MAPK13: variants seen among roughly 807,000 people sequenced by gnomAD.
The protein encoded by MAPK13 is MAP kinase 13.
In MAPK13, 39 loss-of-function variants were observed where a neutral mutation model predicts 53.5. The ratio of observed to expected loss-of-function variants is 0.73; its 90% confidence interval spans 0.56 to 0.95. The LOEUF is 0.95. Among genes scored for constraint, MAPK13 ranks in the 40% least tolerant of loss-of-function variants. The pLI, the probability that MAPK13 is intolerant of heterozygous loss-of-function variation, is 0.00. For synonymous variants in MAPK13, 179 were observed against 190.9 expected (o/e 0.94, Z 0.51); for missense variants, 460 against 471.8 (o/e 0.98, Z 0.23).
In MAPK13 at chr6:36,141,671, CA is replaced by C; in HGVS notation, c.*2305del. ...TGGGTGACAGAGTGAGACTCCATCT[CA>C]AAAAAACAAAAAAAACAAATACCCT... On this transcript the variant is annotated 3_prime_UTR_variant, in exon 12 of 12. Transcript: ENST00000211287. 1 of 152,076 alleles carries C rather than the reference CA, an allele frequency of 6.6e-6. No homozygotes were observed. The highest frequency in any genetic ancestry group is 1.5e-5 in the Non-Finnish European group (1 of 68,334). The allele number at this position is 152,076 out of a possible 1,614,324, so 9.4% of individuals were successfully genotyped here. A position where few individuals can be genotyped will look rare whatever the true frequency, so the allele number is the denominator to read the frequency against.
rs1319749038 is a variant in MAPK13 at position 36,138,995 on chromosome 6, G to A, written c.958G>A (p.Ala320Thr). 6.2e-7 allele frequency: 1 copy of A among 1,613,702 alleles called. No individual in the cohort carries two copies. Among genetic ancestry groups the A allele is most frequent in the South Asian group, 1.1e-5 (1 of 91,038 alleles). The change falls in exon 11 of 12, where the codon GCC becomes ACC. Residue 320 changes from alanine to threonine, a missense_variant. Ala to Thr is a moderately conservative substitution (Grantham distance 58). Transcript: ENST00000211287. ...CCGGGACCCTGAGGAAGAGACGGAGGCCCAGCAGCCGTTTGATGATTCCTT... is the reference window on the plus strand; with the variant it reads ...CCGGGACCCTGAGGAAGAGACGGAGACCCAGCAGCCGTTTGATGATTCCTT... ...PFRDPEEETE[A>T]QQPFDDSLEH...
At chr6:36,136,141 G>A in intron 5 of MAPK13, 93 bp downstream of exon 5, 1 of 1,488,498 alleles carries the variant, frequency 6.7e-7, no homozygotes, top group Non-Finnish European at 9.4e-7. Context: ...AAGTTGGAGG[G>A]AGGGGACACT....
chr6:36,139,302 T>C lies in MAPK13; in HGVS notation c.1027T>C (p.Tyr343His), dbSNP rs147268021. ...LTVDEWKQHI[Y>H]KEIVNFSPIA... ...CATGCTGCCTTTCTCAGAGCACATC[T>C]ACAAGGAGATTGTGAACTTCAGCCC... Residue 343 changes from tyrosine (Y) to histidine (H), a missense_variant, in exon 12 of 12, where the codon TAC (tyrosine) becomes CAC (histidine). By Grantham distance (83) the Tyr-to-His change is moderately conservative (BLOSUM62 2). Coordinates refer to ENST00000211287, the MANE Select transcript of MAPK13 (RefSeq NM_002754.5). 5.0e-6 allele frequency: 8 copies of C among 1,613,962 alleles called. No homozygotes were observed. The African/African-American group carries it at 9.3e-5, about 19-fold the overall frequency.
chr6:36,136,643 C>A lies in MAPK13; in HGVS notation c.496-13C>A. 1 of 1,612,908 alleles carries A rather than the reference C, an allele frequency of 6.2e-7. No individual in the cohort carries two copies. The highest frequency in any genetic ancestry group is 8.5e-7 in the Non-Finnish European group (1 of 1,179,344). On this transcript the variant is annotated splice_polypyrimidine_tract_variant and intron_variant, in intron 6 of 11. Transcript: ENST00000211287. Reference sequence around the variant, plus strand: ...TCAGCAAGTTCCTTTTCTATTTATCCCCTGTGCCATAGATTCTGGATTTTG... The same window carrying A: ...TCAGCAAGTTCCTTTTCTATTTATCACCTGTGCCATAGATTCTGGATTTTG...
Position 36,144,162 on chromosome 6 carries a change from C to T in MAPK13, c.*4789C>T, listed in dbSNP as rs1156742127. 6.6e-6 allele frequency: 1 copy of T among 152,066 alleles called. No individual in the cohort carries two copies. The highest frequency in any genetic ancestry group is 2.4e-5 in the African/African-American group (1 of 41,374). 9.4% of individuals were successfully genotyped at this position (152,066 alleles called of 1,614,324 possible). Reference sequence around the variant, plus strand: ...GGACTATAGGCATGCACCACCATGCCTGGCTAATTTCAGAATAATATTTTC... The same window carrying T: ...GGACTATAGGCATGCACCACCATGCTTGGCTAATTTCAGAATAATATTTTC... On this transcript the variant is annotated 3_prime_UTR_variant, in exon 12 of 12. Transcript: ENST00000211287.
intron 8 of MAPK13, among the ~76,000 whole-genome samples, chr6:36,137,286 C>T (rs1439916006): frequency 2.6e-5 from 4 of 152,060 alleles, no homozygotes; most frequent in South Asian, 2.1e-4. Context: ...GAGGCTGAGG[C>T]GGGCAGATCA....
chr6:36,136,728 GC>G lies in MAPK13; in HGVS notation c.573del (p.Glu192ArgfsTer2). 1 of 1,614,066 alleles carries G rather than the reference GC, an allele frequency of 6.2e-7. No individual in the cohort carries two copies. The highest frequency in any genetic ancestry group is 8.5e-7 in the Non-Finnish European group (1 of 1,179,968). On this transcript the variant is annotated frameshift_variant, in exon 7 of 12. Transcript: ENST00000211287. LOFTEE classifies it high-confidence loss of function. The part of the protein sequence containing the change: ...TGYVVTRWYR[A>X]PEVILSWMHY... ...CTACGTGGTGACCCGCTGGTACCGA[GC>G]CCCCGAGGTGATCCTCAGCTGGATG...
At position 36,142,097 on chromosome 6, in the gene MAPK13, C is replaced by G. The variant is rs1766542928; in HGVS notation, c.*2724C>G. The G allele has an allele frequency of 6.6e-6, 1 of 152,324 alleles. No homozygotes were observed. Among genetic ancestry groups the G allele is most frequent in the Admixed American group, 6.5e-5 (1 of 15,282 alleles). The allele number at this position is 152,324 out of a possible 1,614,324, so 9.4% of individuals were successfully genotyped here. A position where few individuals can be genotyped will look rare whatever the true frequency, so the allele number is the denominator to read the frequency against. ...TGTGTTCTCTCTAATCTCATCAGCT[C>G]CCACTGCCTCCCCTAGCTAGTCCTT... On this transcript the variant is annotated 3_prime_UTR_variant, in exon 12 of 12. Transcript: ENST00000211287. This position sits in a 1 kb window ranked among gnomAD's most constrained non-coding sequence, Gnocchi z 4.4.
At chr6:36,137,093 G>C in intron 8 of MAPK13, 143 bp downstream of exon 8, 1 of 722,878 alleles carries the variant, frequency 1.4e-6, no homozygotes, top group South Asian at 1.8e-5. Context: ...GATAAGGCTG[G>C]ACGCAGTGGT....
intron 3 of MAPK13, among the ~76,000 whole-genome samples, chr6:36,133,138 G>A (rs1177241614): frequency 2.6e-5 from 4 of 152,242 alleles, no homozygotes; most frequent in African/African-American, 9.6e-5. Context: ...GCTGCAAAAT[G>A]TATAGCTTTG....
chr6:36,133,301 T>C (rs1464998399), intron 3 of MAPK13, among the ~76,000 whole-genome samples: 11 of 152,218 alleles, frequency 7.2e-5, no homozygotes, highest in Middle Eastern at 3.4e-3. Flanking sequence ...GGAGGTGATA[T>C]GTTCAGATGG....
intron 3 of MAPK13, among the ~76,000 whole-genome samples, chr6:36,134,071 A>G (rs970409139): frequency 1.3e-5 from 2 of 152,172 alleles, no homozygotes; most frequent in African/African-American, 4.8e-5. Context: ...CGCCCTTTCT[A>G]GAAGTTTGGT....
Position 36,143,931 on chromosome 6 carries a change from T to TCAA in MAPK13, c.*4561_*4563dup, listed in dbSNP as rs1429380821. 1 of 152,194 alleles carries TCAA rather than the reference T, an allele frequency of 6.6e-6. No homozygotes were observed. The highest frequency in any genetic ancestry group is 1.5e-5 in the Non-Finnish European group (1 of 68,028). The allele number at this position is 152,194 out of a possible 1,614,324, so 9.4% of individuals were successfully genotyped here. A position where few individuals can be genotyped will look rare whatever the true frequency, so the allele number is the denominator to read the frequency against. The stretch of plus-strand genomic sequence containing the variant: ...ACTCTGGGCGGGTGGCATGTGAGTG[T>TCAA]CAACAGGGCCCCTCTCAGTCAGGGG... On this transcript the variant is annotated 3_prime_UTR_variant, in exon 12 of 12. Coordinates refer to ENST00000211287, the MANE Select transcript of MAPK13 (RefSeq NM_002754.5).
In MAPK13 at chr6:36,138,798, C is replaced by G; in HGVS notation, c.841+18C>G. On this transcript the variant is annotated intron_variant, in intron 10 of 11. Coordinates refer to ENST00000211287, the MANE Select transcript of MAPK13 (RefSeq NM_002754.5). ...CCCCCAGGGTGAGTCTCAGAGCCCGCTCCCCAGGGGCCTCTCAGCGTATCC... is the reference window on the plus strand; with the variant it reads ...CCCCCAGGGTGAGTCTCAGAGCCCGGTCCCCAGGGGCCTCTCAGCGTATCC... 2 of 1,614,082 alleles carry G rather than the reference C, an allele frequency of 1.2e-6. No individual in the cohort carries two copies. Among genetic ancestry groups the G allele is most frequent in the South Asian group, 1.1e-5 (1 of 91,078 alleles).
chr6:36,139,157 C>G, intron 11 of MAPK13, 102 bp downstream of exon 11: 1 of 1,400,502 alleles, frequency 7.1e-7, no homozygotes, highest in Non-Finnish European at 9.8e-7. Flanking sequence ...CCTGCCACCT[C>G]CTTCTTGGTG....
In MAPK13 at chr6:36,131,482, G is replaced by C. The variant is rs922452534; in HGVS notation, c.249+82G>C. The C allele has an allele frequency of 7.6e-5, 106 of 1,387,448 alleles. No homozygotes were observed. In the Admixed American group the frequency reaches 7.8e-4, roughly 10 times the overall value. 85.9% of individuals were successfully genotyped at this position (1,387,448 alleles called of 1,614,324 possible). A position where few individuals can be genotyped will look rare whatever the true frequency, so the allele number is the denominator to read the frequency against. On this transcript the variant is annotated intron_variant, in intron 2 of 11. Coordinates refer to ENST00000211287, the MANE Select transcript of MAPK13 (RefSeq NM_002754.5). ...GGCGCAGGCGGGGCCTCCCGGTATG[G>C]AGAGCTCGGGACAGTCTCCTCCCTG...
At position 36,139,784 on chromosome 6, in the gene MAPK13, T is replaced by C; in HGVS notation, c.*411T>C. 1 of 176,810 alleles carries C rather than the reference T, an allele frequency of 5.7e-6. No homozygotes were observed. The highest frequency in any genetic ancestry group is 1.7e-4 in the East Asian group (1 of 6,000). 11.0% of individuals were successfully genotyped at this position (176,810 alleles called of 1,614,324 possible). A position where few individuals can be genotyped will look rare whatever the true frequency, so the allele number is the denominator to read the frequency against. On this transcript the variant is annotated 3_prime_UTR_variant, in exon 12 of 12. Transcript: ENST00000211287. Reference sequence around the variant, plus strand: ...AGTTCTGGAGGCTGGAAATCTGGGATGGAGGTGTTGGCAGGGCTGTGGTCC... The same window carrying C: ...AGTTCTGGAGGCTGGAAATCTGGGACGGAGGTGTTGGCAGGGCTGTGGTCC...
rs966112486 is a variant in MAPK13 at position 36,142,548 on chromosome 6, T to C, written c.*3175T>C. 6.6e-6 allele frequency: 1 copy of C among 152,278 alleles called. No individual in the cohort carries two copies. The highest frequency in any genetic ancestry group is 1.5e-5 in the Non-Finnish European group (1 of 68,120). The allele number at this position is 152,278 out of a possible 1,614,324, so 9.4% of individuals were successfully genotyped here. ...CTTCCCATTGCCCACTGTGAGCAAA[T>C]ACCTGTGCGTGAATGAATAATGAGT... On this transcript the variant is annotated 3_prime_UTR_variant, in exon 12 of 12. Transcript: ENST00000211287. This position sits in a 1 kb window ranked among gnomAD's most constrained non-coding sequence, Gnocchi z 4.4.
At chr6:36,131,487 C>T (rs985322852) in intron 2 of MAPK13, 87 bp downstream of exon 2, 20 of 1,335,674 alleles carry the variant, frequency 1.5e-5, no homozygotes, top group Non-Finnish European at 1.8e-5. Flanking sequence ...GTATGGAGAG[C>T]TCGGGACAGT....
Sources: gnomAD v4.1 joint callset for allele counts (sites outside exome capture counted in the v4.1 genomes callset) on GRCh38, gnomAD v4.1.1 for gene constraint, Gnocchi (gnomAD v3.1) non-coding constraint, MANE v1.5 for transcripts, NCBI Gene and HGNC (gene_info 2026-07-23, HGNC 2026-07-21) for gene names.